The following ARHGAP32 variants were observed in gnomAD, a reference collection of about 807,000 sequenced individuals.
The protein encoded by ARHGAP32 is Rho GTPase activating protein 32.
Under a neutral mutation model 186.5 loss-of-function variants are expected in ARHGAP32, and 51 were observed. The ratio of observed to expected loss-of-function variants is 0.27; its 90% confidence interval spans 0.22 to 0.35. ARHGAP32 has a LOEUF of 0.35. Ranked by LOEUF, ARHGAP32 falls within the 10% of genes least tolerant of loss-of-function variation. The pLI is 1.00. For synonymous variants in ARHGAP32, 950 were observed against 964.3 expected, an observed-to-expected ratio of 0.99 and a Z score of 0.27; for missense variants, 2,186 against 2,623.5, an observed-to-expected ratio of 0.83 and a Z score of 3.64.
intron 11 of ARHGAP32, among the ~76,000 whole-genome samples, chr11:129,035,710 G>A (rs986453198): frequency 1.3e-5 from 2 of 151,990 alleles, no homozygotes; most frequent in Admixed American, 1.3e-4. Flanking sequence ...AGGTCGTGGC[G>A]GCATGTGTCT....
chr11:129,052,148 C>T (rs1341606569), intron 10 of ARHGAP32, among the ~76,000 whole-genome samples: 30 of 151,994 alleles, frequency 2.0e-4, no homozygotes, highest in Admixed American at 2.0e-3. Context: ...TCCAAGTGTT[C>T]CACTGCCATT....
intron 6 of ARHGAP32, among the ~76,000 whole-genome samples, chr11:129,081,228 T>C (rs771668288): frequency 5.3e-5 from 8 of 152,062 alleles, no homozygotes; most frequent in East Asian, 1.9e-4. Flanking sequence ...TTCCAAAAGA[T>C]AGAGAAAGAG....
chr11:128,970,360 A>G lies in ARHGAP32; in HGVS notation c.4853T>C (p.Val1618Ala). The change falls in exon 23 of 23, where the codon GTT becomes GCT. Residue 1618 changes from valine (V) to alanine (A), a missense_variant. Coordinates refer to ENST00000682385, the MANE Select transcript of ARHGAP32 (RefSeq NM_001378024.1). The surrounding 1 kb of genome is among the most constrained non-coding windows in gnomAD (Gnocchi z 5.8). ...GTAGGCTGGCTCATCATCTGGGGGAACTTCTGTCCGTGAAATGGGAACAGA... is the reference window on the plus strand; with the variant it reads ...GTAGGCTGGCTCATCATCTGGGGGAGCTTCTGTCCGTGAAATGGGAACAGA... ...IRSVPISRTE[V>A]PPDDEPAYCP... 1.2e-6 allele frequency: 2 copies of G among 1,614,114 alleles called. No homozygotes were observed. Among genetic ancestry groups the G allele is most frequent in the South Asian group, 1.1e-5 (1 of 91,088 alleles).
At chr11:129,148,962 A>T (rs920536354) in intron 2 of ARHGAP32, among the ~76,000 whole-genome samples, 4 of 152,188 alleles carry the variant, frequency 2.6e-5, no homozygotes, top group Non-Finnish European at 4.4e-5. Context: ...AGGAAAGTCT[A>T]AGCTTGGACC....
intron 11 of ARHGAP32, among the ~76,000 whole-genome samples, chr11:129,027,998 G>T (rs10893949): frequency 1.3e-5 from 2 of 152,060 alleles, no homozygotes; most frequent in African/African-American, 4.8e-5. Flanking sequence ...ACTGATTAGG[G>T]GGCTACTCCC....
chr11:128,999,219 C>T (rs758823439), intron 11 of ARHGAP32, among the ~76,000 whole-genome samples: 54 of 152,230 alleles, frequency 3.5e-4, no homozygotes, highest in African/African-American at 1.3e-3. Context: ...CTAACATGGC[C>T]GCTCTGGGAG....
intron 2 of ARHGAP32, among the ~76,000 whole-genome samples, chr11:129,125,494 T>G (rs1942639127): frequency 1.3e-5 from 2 of 152,094 alleles, no homozygotes; most frequent in South Asian, 4.1e-4. Flanking sequence ...AAAAATAAAT[T>G]TGTGCTATAA....
intron 6 of ARHGAP32, among the ~76,000 whole-genome samples, chr11:129,068,966 C>T (rs1291510285): frequency 1.3e-5 from 2 of 151,978 alleles, no homozygotes; most frequent in African/African-American, 4.8e-5. Flanking sequence ...TGTGAAAGAA[C>T]AAGTATGAAA....
intron 12 of ARHGAP32, among the ~76,000 whole-genome samples, chr11:128,991,661 T>A (rs1443278271): frequency 6.6e-6 from 1 of 152,164 alleles, no homozygotes; most frequent in Admixed American, 6.5e-5. Context: ...AAATGCTTCC[T>A]CCAAAAGACG....
chr11:129,268,572 A>C (rs1267954739), intron 1 of ARHGAP32, among the ~76,000 whole-genome samples: 3 of 147,930 alleles, frequency 2.0e-5, no homozygotes, highest in Non-Finnish European at 4.5e-5. Context: ...TAGTGGTATG[A>C]GACACAGGCA....
At chr11:129,110,162 A>G (rs2135335999) in intron 5 of ARHGAP32, among the ~76,000 whole-genome samples, 1 of 152,164 alleles carries the variant, frequency 6.6e-6, no homozygotes, top group East Asian at 1.9e-4. Context: ...CTACATGTGG[A>G]CATCCACTTT....
chr11:129,018,020 GT>G (rs1163289358), intron 11 of ARHGAP32, among the ~76,000 whole-genome samples: 1 of 150,552 alleles, frequency 6.6e-6, no homozygotes, highest in African/African-American at 2.5e-5. Flanking sequence ...TTCTGACTTT[GT>G]TTTTTATTAT....
intron 2 of ARHGAP32, among the ~76,000 whole-genome samples, chr11:129,147,313 T>C (rs1943187304): frequency 6.6e-6 from 1 of 152,212 alleles, no homozygotes; most frequent in African/African-American, 2.4e-5. Context: ...TTCATATGTA[T>C]ACAGCATATG....
At chr11:129,265,590 T>C (rs1469013832) in intron 1 of ARHGAP32, among the ~76,000 whole-genome samples, 3 of 152,142 alleles carry the variant, frequency 2.0e-5, no homozygotes, top group South Asian at 2.1e-4. Flanking sequence ...GTAAACCTGA[T>C]CAAGTGACCA....
At chr11:129,017,426 G>A (rs1474209872) in intron 11 of ARHGAP32, among the ~76,000 whole-genome samples, 1 of 130,038 alleles carries the variant, frequency 7.7e-6, no homozygotes, top group African/African-American at 3.0e-5. Context: ...CAGCCTAGGT[G>A]ACAAGAGCAA....
chr11:129,218,286 C>T (rs1313443629), intron 1 of ARHGAP32, among the ~76,000 whole-genome samples: 2 of 152,106 alleles, frequency 1.3e-5, no homozygotes, highest in African/African-American at 4.8e-5. Flanking sequence ...GTGCAAACTT[C>T]CTCAAATGAT....
At chr11:129,066,591 C>T (rs1438330740) in intron 7 of ARHGAP32, 140 bp downstream of exon 7, 2 of 664,774 alleles carry the variant, frequency 3.0e-6, no homozygotes, top group East Asian at 2.8e-5. Flanking sequence ...ACATTACTAA[C>T]TTTTCAGTTA....
chr11:129,132,478 G>GA lies in ARHGAP32; in HGVS notation c.226-7585dup, dbSNP rs552013734. The stretch of plus-strand genomic sequence containing the variant: ...GAGCAACAGAGCAAGATCAGGGGGA[G>GA]AAAAAAAAAAAAAAGCAGGATAAGA... On this transcript the variant is annotated intron_variant, in intron 2 of 22. Coordinates refer to ENST00000682385, the MANE Select transcript of ARHGAP32 (RefSeq NM_001378024.1). 5.6e-3 allele frequency among the ~76,000 whole-genome samples: 760 copies of GA among 136,818 alleles called. 2 individuals are homozygous for GA. Among genetic ancestry groups the GA allele is most frequent in the African/African-American group, 0.018 (662 of 37,730 alleles). The allele number at this position is 136,818 out of a possible 152,430, so 89.8% of individuals were successfully genotyped here.
chr11:129,189,488 T>C lies in ARHGAP32; in HGVS notation c.116+2595A>G, dbSNP rs7122623. Among the ~76,000 whole-genome samples, 131 of 152,348 alleles carry C rather than the reference T, an allele frequency of 8.6e-4. 1 individual carries two copies. Among genetic ancestry groups the C allele is most frequent in the African/African-American group, 3.1e-3 (127 of 41,582 alleles). ...CTTGATAGAATTAAAACATTTATGT[T>C]TTTCCTTTTCTGCCTTATATTCCTC... On this transcript the variant is annotated intron_variant, in intron 1 of 22. Transcript: ENST00000682385.
Sources: allele counts gnomAD v4.1 joint callset (sites outside exome capture counted in the v4.1 genomes callset), GRCh38; gene constraint gnomAD v4.1.1; non-coding constraint Gnocchi (gnomAD v3.1); transcripts MANE v1.5; gene names NCBI Gene and HGNC (gene_info 2026-07-23, HGNC 2026-07-21).